Variants in TTC7A observed in about 807,000 individuals in gnomAD.
TTC7A encodes the protein tetratricopeptide repeat domain 7A, also known as tetratricopeptide repeat protein 7A.
Under a neutral mutation model 103.7 loss-of-function variants are expected in TTC7A, and 110 were observed. The observed-to-expected ratio is 1.06, with a 90% CI of 0.91 to 1.24. TTC7A has a LOEUF of 1.24. Among genes scored for constraint, TTC7A ranks in the 50% most tolerant of loss-of-function variants. TTC7A has a pLI of 0.00. For missense variants in TTC7A, 1,340 were observed against 1,116.3 expected (o/e 1.20, Z -2.86); for synonymous variants, 521 against 467.9 (o/e 1.11, Z -1.47).
At chr2:47,012,345 C>G (rs2104492068) in intron 11 of TTC7A, among the ~76,000 whole-genome samples, 1 of 152,358 alleles carries the variant, frequency 6.6e-6, no homozygotes, top group South Asian at 2.1e-4. Context: ...CTCCCTCCCA[C>G]ATGATGGATA....
intron 8 of TTC7A, among the ~76,000 whole-genome samples, chr2:46,998,277 G>C (rs746359955): frequency 6.6e-5 from 10 of 152,170 alleles, no homozygotes; most frequent in Non-Finnish European, 1.3e-4. Flanking sequence ...CTTAGTTTTA[G>C]TGTTTCATCT....
intron 18 of TTC7A, among the ~76,000 whole-genome samples, chr2:47,059,060 C>T (rs375562378): frequency 7.4e-6 from 1 of 135,720 alleles, no homozygotes; most frequent in South Asian, 2.3e-4. Context: ...CTCACTCTGT[C>T]GCCCAGGCTG....
chr2:47,002,965 A>G (rs1572873791), intron 8 of TTC7A, among the ~76,000 whole-genome samples: 2 of 152,022 alleles, frequency 1.3e-5, no homozygotes, highest in South Asian at 4.2e-4. Flanking sequence ...AGGGCCTATC[A>G]CCAGCCTGAG....
At chr2:47,000,471 G>A (rs960860225) in intron 8 of TTC7A, among the ~76,000 whole-genome samples, 2 of 152,222 alleles carry the variant, frequency 1.3e-5, no homozygotes, top group African/African-American at 4.8e-5. Context: ...AGAAAGAGCT[G>A]TTTTTTCTGC....
chr2:46,965,342 G>T (rs1672742203), intron 3 of TTC7A, among the ~76,000 whole-genome samples: 1 of 152,146 alleles, frequency 6.6e-6, no homozygotes, highest in South Asian at 2.1e-4. Context: ...GTTGATTTTG[G>T]CTTCCCTCTC....
At chr2:47,071,551 C>A (rs1431540130) in intron 19 of TTC7A, among the ~76,000 whole-genome samples, 1 of 152,238 alleles carries the variant, frequency 6.6e-6, no homozygotes, top group East Asian at 1.9e-4. Flanking sequence ...AGGACTGTTT[C>A]ATTGCTTTGG....
At chr2:47,044,111 C>G (rs1682054721) in intron 15 of TTC7A, among the ~76,000 whole-genome samples, 1 of 152,172 alleles carries the variant, frequency 6.6e-6, no homozygotes, top group Admixed American at 6.5e-5. Flanking sequence ...CTCACTGACA[C>G]CTGCTGCTTC....
chr2:47,036,939 A>G (rs1400886987), intron 15 of TTC7A, among the ~76,000 whole-genome samples: 4 of 152,156 alleles, frequency 2.6e-5, no homozygotes, highest in African/African-American at 9.7e-5. Context: ...TATCCCCCGC[A>G]TCCTGGCCAG....
intron 11 of TTC7A, among the ~76,000 whole-genome samples, chr2:47,020,960 C>G (rs975283680): frequency 6.6e-6 from 1 of 152,234 alleles, no homozygotes; most frequent in Non-Finnish European, 1.5e-5. Context: ...CTGTGAGCCT[C>G]TGACCAGGAG....
intron 19 of TTC7A, among the ~76,000 whole-genome samples, chr2:47,068,781 G>A (rs1684397268): frequency 6.9e-6 from 1 of 145,822 alleles, no homozygotes; most frequent in Admixed American, 7.1e-5. Context: ...CACCAACCCT[G>A]ATGAGGAAGC....
upstream of TTC7A, among the ~76,000 whole-genome samples, chr2:46,936,687 GCAT>G (rs1460960410): frequency 3.3e-5 from 5 of 152,088 alleles, no homozygotes; most frequent in African/African-American, 1.2e-4. Flanking sequence ...TTTATAGACA[GCAT>G]CATCATTTCC....
intron 15 of TTC7A, among the ~76,000 whole-genome samples, chr2:47,036,829 G>C (rs1361209248): frequency 6.6e-6 from 1 of 152,232 alleles, no homozygotes; most frequent in African/African-American, 2.4e-5. Context: ...TTACACTCCA[G>C]CTTGGGTGAC....
In TTC7A at chr2:47,047,029, G is replaced by A. The variant is rs185778065; in HGVS notation, c.1919+598G>A. The A allele has an allele frequency of 6.5e-5, 30 of 460,626 alleles. 1 individual carries two copies. The highest frequency in any genetic ancestry group is 4.8e-4 in the East Asian group (13 of 26,996). 28.5% of individuals were successfully genotyped at this position (460,626 alleles called of 1,614,324 possible). On this transcript the variant is annotated intron_variant, in intron 16 of 19. Transcript: ENST00000319190. ...CTGGAGACCCTGGCCTGGGACCTGG[G>A]TCTTTCATGGGCCAGAGCAGGGCAC...
chr2:46,950,321 T>C (rs1398728084), intron 1 of TTC7A, 42 bp from the exon 2 acceptor site: 10 of 1,609,886 alleles, frequency 6.2e-6, no homozygotes, highest in East Asian at 4.5e-5. Context: ...ATTATCCGCC[T>C]TGTTCGGGGT....
At chr2:47,031,259 C>T (rs1028643364) in intron 15 of TTC7A, among the ~76,000 whole-genome samples, 1 of 152,188 alleles carries the variant, frequency 6.6e-6, no homozygotes, top group Non-Finnish European at 1.5e-5. Context: ...GATTAGTTGC[C>T]TTGTCTTGTT....
Position 47,011,420 on chromosome 2 carries a change from C to T in TTC7A, c.1377C>T (p.Ile459=), listed in dbSNP as rs558029350. Residue 459 remains isoleucine, a synonymous_variant, in exon 11 of 20, where the codon ATC becomes ATT. Transcript: ENST00000319190. The part of the protein sequence containing the change: ...TVPLMAAKVC[I]GSLRWLEEAE... ...CCCTGATGGCCGCGAAGGTCTGCAT[C>T]GGGTCCCTTCGCTGGGTGAGTGAGC... 2.5e-6 allele frequency: 4 copies of T among 1,607,038 alleles called. No individual in the cohort carries two copies. Among genetic ancestry groups the T allele is most frequent in the Admixed American group, 1.7e-5 (1 of 59,926 alleles).
chr2:46,953,152 C>T (rs902101904), intron 2 of TTC7A, among the ~76,000 whole-genome samples: 3 of 151,962 alleles, frequency 2.0e-5, no homozygotes, highest in South Asian at 2.1e-4. Flanking sequence ...TATTAAATGT[C>T]GTTTGTGGGA....
intron 8 of TTC7A, among the ~76,000 whole-genome samples, chr2:46,995,417 G>A (rs1307165043): frequency 5.9e-5 from 9 of 152,186 alleles, no homozygotes; most frequent in Non-Finnish European, 1.3e-4. Context: ...CCTGCGTTCT[G>A]CCCCCAAATA....
chr2:46,916,862 T>C (rs1173208971), intron 1 of TTC7A, among the ~76,000 whole-genome samples: 2 of 152,146 alleles, frequency 1.3e-5, no homozygotes, highest in South Asian at 2.1e-4. Context: ...CTCTAACTGC[T>C]GACCTCTTGA....
Sources: allele counts gnomAD v4.1 joint callset (sites outside exome capture counted in the v4.1 genomes callset), GRCh38; gene constraint gnomAD v4.1.1; transcripts MANE v1.5; gene names NCBI Gene and HGNC (gene_info 2026-07-23, HGNC 2026-07-21).